Variants in FAM107A observed in about 807,000 individuals in gnomAD.
The protein encoded by FAM107A is actin-associated protein FAM107A.
Under a neutral mutation model 13.7 loss-of-function variants are expected in FAM107A, and 19 were observed. The observed-to-expected ratio is 1.38, with a 90% CI of 0.97 to 2.03. The LOEUF (loss-of-function observed/expected upper bound fraction) is 2.03, where lower values mean the gene tolerates loss of function less well. Ranked by LOEUF, FAM107A falls within the 30% of genes most tolerant of loss-of-function variation. The pLI, the probability that FAM107A is intolerant of heterozygous loss-of-function variation, is 0.00. For synonymous variants in FAM107A, 82 were observed against 74.5 expected (o/e 1.10, Z -0.52); for missense variants, 203 against 184.4 (o/e 1.10, Z -0.58).
chr3:58,589,878 T>G (rs1434079186), upstream of FAM107A, among the ~76,000 whole-genome samples: 1 of 152,198 alleles, frequency 6.6e-6, no homozygotes, highest in Non-Finnish European at 1.5e-5. Flanking sequence ...AGGCCCATAT[T>G]CTTTTAGGTT....
intron 1 of FAM107A, among the ~76,000 whole-genome samples, chr3:58,596,790 T>C (rs929540398): frequency 6.6e-6 from 1 of 152,174 alleles, no homozygotes; most frequent in African/African-American, 2.4e-5. Flanking sequence ...TAAAACAAGA[T>C]TGGCTTGCTT....
intron 1 of FAM107A, among the ~76,000 whole-genome samples, chr3:58,594,828 CA>C (rs1300065737): frequency 6.6e-6 from 1 of 152,074 alleles, no homozygotes; most frequent in African/African-American, 2.4e-5. Context: ...TATGACAACA[CA>C]AAAAAACTCA....
chr3:58,597,596 G>A (rs1450474914), intron 1 of FAM107A, among the ~76,000 whole-genome samples: 1 of 152,186 alleles, frequency 6.6e-6, no homozygotes, highest in African/African-American at 2.4e-5. Context: ...CACAGTTCTT[G>A]GCACATAGGT....
upstream of FAM107A, among the ~76,000 whole-genome samples, chr3:58,587,487 G>A (rs1240531840): frequency 7.3e-5 from 6 of 81,900 alleles, no homozygotes; most frequent in Non-Finnish European, 1.2e-4. Flanking sequence ...GTGTGTGTGT[G>A]TGTGTGTGTG....
Position 58,564,334 on chromosome 3 carries a change from T to C in FAM107A, c.*2254A>G, listed in dbSNP as rs2063599601. ...GTGTTAGCCATGCCTGTGTCTTTTATTGGAAAAGCTTTCCCAGAAGCCCAG... is the reference window on the plus strand; with the variant it reads ...GTGTTAGCCATGCCTGTGTCTTTTACTGGAAAAGCTTTCCCAGAAGCCCAG... On this transcript the variant is annotated 3_prime_UTR_variant, in exon 4 of 4. Coordinates refer to ENST00000360997, the MANE Select transcript of FAM107A (RefSeq NM_001076778.3). The surrounding 1 kb of genome is among the most constrained non-coding windows in gnomAD (Gnocchi z 5.6). 6.6e-6 allele frequency: 1 copy of C among 152,098 alleles called. No individual in the cohort carries two copies. Among genetic ancestry groups the C allele is most frequent in the African/African-American group, 2.4e-5 (1 of 41,332 alleles). 9.4% of individuals were successfully genotyped at this position (152,098 alleles called of 1,614,324 possible).
intron 1 of FAM107A, among the ~76,000 whole-genome samples, chr3:58,622,958 C>A (rs958041632): frequency 7.9e-5 from 12 of 152,130 alleles, no homozygotes; most frequent in African/African-American, 2.9e-4. Flanking sequence ...CCGTCTGAGG[C>A]GGTGGGCAGA....
upstream of FAM107A, among the ~76,000 whole-genome samples, chr3:58,588,446 C>T (rs1406097233): frequency 6.6e-6 from 1 of 152,236 alleles, no homozygotes; most frequent in Non-Finnish European, 1.5e-5. Flanking sequence ...TCCCCAGACA[C>T]CATCCAGTGT....
intron 1 of FAM107A, among the ~76,000 whole-genome samples, chr3:58,606,563 C>T (rs2065796696): frequency 1.3e-5 from 2 of 152,206 alleles, no homozygotes; most frequent in Admixed American, 1.3e-4. Context: ...CTGTAGCTCT[C>T]CTTTTGGAGA....
At chr3:58,601,978 C>T (rs114061832) in intron 1 of FAM107A, among the ~76,000 whole-genome samples, 17 of 152,174 alleles carry the variant, frequency 1.1e-4, no homozygotes, top group African/African-American at 3.9e-4. Context: ...TGGATCCCTA[C>T]TAATCCCATC....
At chr3:58,594,858 T>C (rs1446508801) in intron 1 of FAM107A, among the ~76,000 whole-genome samples, 1 of 152,190 alleles carries the variant, frequency 6.6e-6, no homozygotes, top group African/African-American at 2.4e-5. Flanking sequence ...GCCCCAAAAC[T>C]TGCCAACCAA....
At chr3:58,579,027 G>A (rs2063751840), upstream of FAM107A, among the ~76,000 whole-genome samples, 1 of 152,206 alleles carries the variant, frequency 6.6e-6, no homozygotes, top group Non-Finnish European at 1.5e-5. Context: ...CTTCAAGGGG[G>A]ACACACAGTA....
upstream of FAM107A, among the ~76,000 whole-genome samples, chr3:58,578,547 G>T (rs1049769669): frequency 2.6e-5 from 4 of 152,064 alleles, no homozygotes; most frequent in Non-Finnish European, 4.4e-5. Context: ...CAGCCTGGGT[G>T]ACAGAGCAAG....
At chr3:58,574,295 G>T (rs1489180330) in intron 1 of FAM107A, 1 of 152,250 alleles carries the variant, frequency 6.6e-6, no homozygotes, top group Non-Finnish European at 1.5e-5. Context: ...AAAAATTCCA[G>T]TGCCTGAGTC....
At chr3:58,581,145 G>A (rs943388526), upstream of FAM107A, among the ~76,000 whole-genome samples, 8 of 152,202 alleles carry the variant, frequency 5.3e-5, no homozygotes, top group African/African-American at 1.9e-4. Flanking sequence ...CAGGGGCCTG[G>A]GGATCTGCAT....
intron 1 of FAM107A, among the ~76,000 whole-genome samples, chr3:58,572,392 G>A (rs4681867): frequency 0.45 from 68,946 of 152,044 alleles, 16,470 homozygotes; most frequent in Non-Finnish European, 0.54. Context: ...TCAGCCAGGT[G>A]TGGTGAGGGC....
intron 3 of FAM107A, chr3:58,567,001 G>T: frequency 1.6e-6 from 1 of 633,908 alleles, no homozygotes; most frequent in Non-Finnish European, 2.8e-6. Context: ...CTGGGCCAGT[G>T]AGGAAGCTGA....
chr3:58,572,312 C>G (rs1010122445), intron 1 of FAM107A, among the ~76,000 whole-genome samples: 2 of 152,152 alleles, frequency 1.3e-5, no homozygotes, highest in African/African-American at 4.8e-5. Flanking sequence ...TCAGCACACA[C>G]ACAAGCCAAT....
At chr3:58,627,390 C>T in intron 1 of FAM107A, 1 of 209,780 alleles carries the variant, frequency 4.8e-6, no homozygotes, top group Admixed American at 5.5e-5. Context: ...CTGCCTGGCC[C>T]AGCGGGCAGG....
At chr3:58,616,560 C>T (rs1287793740) in intron 1 of FAM107A, among the ~76,000 whole-genome samples, 1 of 144,218 alleles carries the variant, frequency 6.9e-6, no homozygotes, top group Non-Finnish European at 1.6e-5. Context: ...CACACACACA[C>T]ACACACACCA....
Sources: gnomAD v4.1 joint callset for allele counts (sites outside exome capture counted in the v4.1 genomes callset) on GRCh38, gnomAD v4.1.1 for gene constraint, Gnocchi (gnomAD v3.1) non-coding constraint, MANE v1.5 for transcripts, NCBI Gene and HGNC (gene_info 2026-07-23, HGNC 2026-07-21) for gene names.